Variants in ASXL3 observed in about 807,000 individuals in gnomAD.
ASXL3 encodes putative Polycomb group protein ASXL3.
ASXL3 carries 34 observed loss-of-function variants against 170.6 expected under a neutral mutation model. The ratio of observed to expected loss-of-function variants is 0.20; its 90% CI spans 0.15 to 0.27. The LOEUF is 0.27. ASXL3 is among the 10% of genes least tolerant of loss of function. The pLI is 1.00. For synonymous variants in ASXL3, 1,002 were observed against 989.1 expected (o/e 1.01, Z -0.24); for missense variants, 2,592 against 2,695.3 (o/e 0.96, Z 0.85).
intron 1 of ASXL3, among the ~76,000 whole-genome samples, chr18:33,581,805 G>T (rs2145086976): frequency 6.6e-6 from 1 of 152,272 alleles, no homozygotes; most frequent in South Asian, 2.1e-4. Flanking sequence ...AGTGTGTAAT[G>T]CTTGTATGTG....
chr18:33,724,626 AATACTGT>A (rs1283260606), intron 8 of ASXL3, among the ~76,000 whole-genome samples: 1 of 152,120 alleles, frequency 6.6e-6, no homozygotes, highest in Non-Finnish European at 1.5e-5. Flanking sequence ...AAGTGTGGGA[AATACTGT>A]ATAATTTATT....
intron 1 of ASXL3, among the ~76,000 whole-genome samples, chr18:33,588,550 C>T (rs964246134): frequency 6.6e-6 from 1 of 152,022 alleles, no homozygotes; most frequent in Non-Finnish European, 1.5e-5. Flanking sequence ...CACCATGACT[C>T]CATGCTTATT....
chr18:33,614,709 A>G (rs2065393412), intron 2 of ASXL3: 1 of 152,216 alleles, frequency 6.6e-6, no homozygotes, highest in Non-Finnish European at 1.5e-5. Flanking sequence ...TGGACTGCAG[A>G]ATAGATGTTA....
chr18:33,647,139 A>G (rs944597054), intron 4 of ASXL3, among the ~76,000 whole-genome samples: 2 of 152,076 alleles, frequency 1.3e-5, no homozygotes, highest in African/African-American at 4.8e-5. Context: ...AATTACCTTT[A>G]AACAGACAAA....
At chr18:33,707,294 A>G (rs917019201) in intron 8 of ASXL3, among the ~76,000 whole-genome samples, 3 of 151,976 alleles carry the variant, frequency 2.0e-5, no homozygotes, top group Admixed American at 6.6e-5. Context: ...TCTAATATAT[A>G]GAACAACTTA....
At chr18:33,586,696 A>G (rs994247787) in intron 1 of ASXL3, among the ~76,000 whole-genome samples, 3 of 152,068 alleles carry the variant, frequency 2.0e-5, no homozygotes, top group South Asian at 2.1e-4. Flanking sequence ...GCCTAGCCCA[A>G]TGTCAAGTCT....
chr18:33,697,138 C>A (rs1451422920), intron 8 of ASXL3, among the ~76,000 whole-genome samples: 1 of 152,036 alleles, frequency 6.6e-6, no homozygotes, highest in Non-Finnish European at 1.5e-5. Context: ...ATAAAGAGAA[C>A]CTGTGTGACA....
At chr18:33,623,068 T>C (rs1035886043) in intron 2 of ASXL3, among the ~76,000 whole-genome samples, 6 of 152,326 alleles carry the variant, frequency 3.9e-5, no homozygotes, top group African/African-American at 1.4e-4. Flanking sequence ...CTGACAATGC[T>C]GAGCCTCTAA....
intron 10 of ASXL3, 116 bp downstream of exon 10, chr18:33,734,531 A>ATAGTCCC: frequency 1.8e-6 from 1 of 544,696 alleles, no homozygotes; most frequent in Non-Finnish European, 3.0e-6. Context: ...ATAAAAGGCA[A>ATAGTCCC]TAGTCCCTCA....
At chr18:33,598,032 G>A (rs1157761582) in intron 1 of ASXL3, among the ~76,000 whole-genome samples, 1 of 152,092 alleles carries the variant, frequency 6.6e-6, no homozygotes, top group Non-Finnish European at 1.5e-5. Flanking sequence ...TTATCCTGCA[G>A]GGAATGCTGG....
intron 2 of ASXL3, among the ~76,000 whole-genome samples, chr18:33,619,671 T>C (rs989015534): frequency 6.6e-6 from 1 of 152,124 alleles, no homozygotes. Context: ...AAAGACTTCA[T>C]GAAACTCAAT....
chr18:33,587,467 A>G (rs2065044114), intron 1 of ASXL3, among the ~76,000 whole-genome samples: 1 of 152,138 alleles, frequency 6.6e-6, no homozygotes, highest in Non-Finnish European at 1.5e-5. Context: ...TTTATGTGAA[A>G]GTCTTTGGAT....
intron 2 of ASXL3, chr18:33,626,528 T>G (rs1419886096): frequency 1.3e-5 from 2 of 152,108 alleles, no homozygotes; most frequent in African/African-American, 2.4e-5. Context: ...AGGCTTTTTT[T>G]TTTTTCCTCA....
At chr18:33,599,798 G>A (rs1485930806) in intron 1 of ASXL3, among the ~76,000 whole-genome samples, 3 of 152,002 alleles carry the variant, frequency 2.0e-5, no homozygotes, top group Non-Finnish European at 4.4e-5. Context: ...AAACACTAGT[G>A]CATTAAAACA....
chr18:33,632,261 T>C (rs1337905727), intron 2 of ASXL3, among the ~76,000 whole-genome samples: 1 of 152,136 alleles, frequency 6.6e-6, no homozygotes, highest in Non-Finnish European at 1.5e-5. Context: ...TTTCCTTTCT[T>C]TGATCTTAGT....
intron 1 of ASXL3, among the ~76,000 whole-genome samples, chr18:33,605,867 T>C (rs2065242407): frequency 6.6e-6 from 1 of 151,910 alleles, no homozygotes. Flanking sequence ...TCTTCCTTGC[T>C]TGCTTCCTGT....
intron 8 of ASXL3, among the ~76,000 whole-genome samples, chr18:33,691,773 G>A (rs1247803310): frequency 6.6e-6 from 1 of 152,144 alleles, no homozygotes; most frequent in Non-Finnish European, 1.5e-5. Flanking sequence ...GAAAGGGGAG[G>A]TGTCATTTGG....
chr18:33,724,015 G>A (rs926285715), intron 8 of ASXL3, among the ~76,000 whole-genome samples: 9 of 152,104 alleles, frequency 5.9e-5, no homozygotes, highest in African/African-American at 2.2e-4. Flanking sequence ...TAATGCTATT[G>A]TACAGTTAAT....
Position 33,683,431 on chromosome 18 carries a change from G to T in ASXL3, c.742G>T (p.Asp248Tyr), listed in dbSNP as rs1377664818. 1 of 1,613,276 alleles carries T rather than the reference G, an allele frequency of 6.2e-7. No homozygotes were observed. Among genetic ancestry groups the T allele is most frequent in the Non-Finnish European group, 8.5e-7 (1 of 1,179,538 alleles). The change falls in exon 8 of 12, where the codon GAC becomes TAC. Residue 248 changes from aspartate (D) to tyrosine (Y), a missense_variant. Asp to Tyr is a radical substitution (Grantham distance 160, BLOSUM62 -3). This residue lies in a region of ASXL3 where 73 missense variants were observed against 142.7 expected (regional missense o/e 0.51). Coordinates refer to ENST00000269197, the MANE Select transcript of ASXL3 (RefSeq NM_030632.3). The part of the protein sequence containing the change: ...LGHLKWTKAE[D>Y]IDIETPGSIL... The stretch of plus-strand genomic sequence containing the variant: ...GCACTTGAAATGGACCAAAGCTGAG[G>T]ACATTGACATAGAAACCCCAGGATC...
Sources: allele counts gnomAD v4.1 joint callset (sites outside exome capture counted in the v4.1 genomes callset), GRCh38; gene constraint gnomAD v4.1.1; regional missense constraint gnomAD v4.1.1; transcripts MANE v1.5; gene names NCBI Gene and HGNC (gene_info 2026-07-23, HGNC 2026-07-21).